Variants in NRG1 observed in about 807,000 individuals in gnomAD.
NRG1 encodes the protein pro-neuregulin-1, membrane-bound isoform.
Under a neutral mutation model 63.8 loss-of-function variants are expected in NRG1, and 18 were observed. The ratio of observed to expected loss-of-function variants is 0.28; its 90% CI spans 0.19 to 0.42. NRG1 has a LOEUF of 0.42. NRG1 is among the 10% of genes least tolerant of loss of function. The pLI is 1.00. For missense variants in NRG1, 762 were observed against 814.7 expected, an observed-to-expected ratio of 0.94 and a Z score of 0.79; for synonymous variants, 302 against 301.3, an observed-to-expected ratio of 1.00 and a Z score of -0.02.
In NRG1 at chr8:31,978,105, G is replaced by A. The variant is rs565482432; in HGVS notation, c.37+338674G>A. Among the ~76,000 whole-genome samples the A allele has an allele frequency of 1.8e-4, 27 of 152,122 alleles. No homozygotes were observed. In the South Asian group the frequency reaches 5.4e-3, roughly 30 times the overall value. On this transcript the variant is annotated intron_variant, in intron 1 of 10. Coordinates refer to the NRG1 transcript ENST00000519301. The stretch of plus-strand genomic sequence containing the variant: ...TGAATTCCTGGTTGAATTTGCCTCT[G>A]ATAATTATGTATTCATATTCAGTTT...
At chr8:32,074,600 G>A (rs7821104) in intron 1 of NRG1, among the ~76,000 whole-genome samples, 147,928 of 152,218 alleles carry the variant, frequency 0.97, 72,026 homozygotes, top group Non-Finnish European at 1. Context: ...AGGGGTAGGT[G>A]TGTCTGGGAA....
intron 1 of NRG1, among the ~76,000 whole-genome samples, chr8:32,134,144 G>A (rs1376375766): frequency 6.6e-6 from 1 of 152,080 alleles, no homozygotes; most frequent in Non-Finnish European, 1.5e-5. Context: ...CAAAATTTCA[G>A]TCTCTACAGC....
At chr8:32,133,002 C>A (rs1563824122) in intron 1 of NRG1, among the ~76,000 whole-genome samples, 1 of 151,722 alleles carries the variant, frequency 6.6e-6, no homozygotes, top group African/African-American at 2.4e-5. Context: ...CACTCCTCCC[C>A]CCTTTCCCCC....
At chr8:32,150,064 T>G (rs1837333286) in intron 1 of NRG1, among the ~76,000 whole-genome samples, 1 of 152,210 alleles carries the variant, frequency 6.6e-6, no homozygotes, top group African/African-American at 2.4e-5. Flanking sequence ...ATCCATTTGC[T>G]TATAAGAAGG....
intron 1 of NRG1, among the ~76,000 whole-genome samples, chr8:32,164,613 T>C (rs531407966): frequency 1.3e-5 from 2 of 152,332 alleles, no homozygotes; most frequent in African/African-American, 4.8e-5. Context: ...ATTTTAACAC[T>C]TTTTTAAAAC....
intron 1 of NRG1, among the ~76,000 whole-genome samples, chr8:31,997,938 A>T (rs1812282843): frequency 6.6e-6 from 1 of 152,046 alleles, no homozygotes; most frequent in Non-Finnish European, 1.5e-5. Context: ...TAAATGGAAT[A>T]AGTAAGTCTC....
At chr8:32,093,887 T>A (rs543978607) in intron 1 of NRG1, among the ~76,000 whole-genome samples, 106 of 152,320 alleles carry the variant, frequency 7.0e-4, no homozygotes, top group Non-Finnish European at 1.2e-3. Flanking sequence ...GATGTACCTC[T>A]CTTGAAATTC....
chr8:32,609,063 T>C (rs911613727), intron 3 of NRG1, among the ~76,000 whole-genome samples: 9 of 152,198 alleles, frequency 5.9e-5, no homozygotes, highest in African/African-American at 9.6e-5. Context: ...GAAACATAGC[T>C]GCCCGGAAGC....
intron 1 of NRG1, among the ~76,000 whole-genome samples, chr8:31,754,759 G>T (rs1032263601): frequency 6.6e-6 from 1 of 151,896 alleles, no homozygotes; most frequent in Non-Finnish European, 1.5e-5. Context: ...TGATTATAGT[G>T]GACAAGTACA....
At chr8:32,296,911 T>C (rs2129474628) in intron 1 of NRG1, among the ~76,000 whole-genome samples, 1 of 152,072 alleles carries the variant, frequency 6.6e-6, no homozygotes, top group South Asian at 2.1e-4. Flanking sequence ...GGTCAAGAGA[T>C]CGAAACCATC....
intron 5 of NRG1, among the ~76,000 whole-genome samples, chr8:32,684,854 A>AG (rs1809662019): frequency 1.3e-5 from 1 of 78,534 alleles, no homozygotes; most frequent in Admixed American, 1.1e-4. Flanking sequence ...TGATATTTTC[A>AG]GGAAAAAAAA....
intron 1 of NRG1, among the ~76,000 whole-genome samples, chr8:31,885,918 T>C (rs1198237225): frequency 1.3e-5 from 2 of 152,098 alleles, no homozygotes; most frequent in Admixed American, 6.6e-5. Flanking sequence ...GGTAATCTGG[T>C]TGAAATGGAG....
intron 1 of NRG1, among the ~76,000 whole-genome samples, chr8:32,284,489 G>GCCTT (rs367763292): frequency 0.091 from 12,070 of 132,510 alleles, 571 homozygotes; most frequent in South Asian, 0.11. Context: ...CTGCCTGCCT[G>GCCTT]CCTTCCTTCC....
intron 1 of NRG1, among the ~76,000 whole-genome samples, chr8:32,208,873 G>A (rs1288475753): frequency 6.6e-6 from 1 of 152,116 alleles, no homozygotes; most frequent in Non-Finnish European, 1.5e-5. Flanking sequence ...TGATCTATAT[G>A]AAAGACTGTT....
At chr8:32,469,381 G>T (rs1300397748) in intron 1 of NRG1, among the ~76,000 whole-genome samples, 2 of 152,196 alleles carry the variant, frequency 1.3e-5, no homozygotes, top group Non-Finnish European at 2.9e-5. Context: ...GACCTCAGGG[G>T]AGAGTGACGT....
chr8:31,770,465 C>T (rs974742100), intron 1 of NRG1, among the ~76,000 whole-genome samples: 3 of 151,884 alleles, frequency 2.0e-5, no homozygotes, highest in African/African-American at 7.3e-5. Context: ...CATAGTATTC[C>T]ATGGTGTAGG....
At chr8:32,598,480 T>C (rs139539431) in intron 2 of NRG1, among the ~76,000 whole-genome samples, 28 of 152,256 alleles carry the variant, frequency 1.8e-4, no homozygotes, top group African/African-American at 6.7e-4. Context: ...TCATTAGTAT[T>C]CAGAAAAGCA....
intron 1 of NRG1, among the ~76,000 whole-genome samples, chr8:31,989,667 G>A (rs140908819): frequency 3.9e-5 from 6 of 152,196 alleles, no homozygotes; most frequent in East Asian, 3.9e-4. Context: ...ACTGGGAAGC[G>A]ACAGTAATCC....
chr8:32,679,031 G>A (rs1233248698), intron 5 of NRG1, among the ~76,000 whole-genome samples: 2 of 152,008 alleles, frequency 1.3e-5, no homozygotes, highest in Admixed American at 6.6e-5. Context: ...CTGTGCACTT[G>A]TAGTTCCAGC....
Sources: gnomAD v4.1 joint callset for allele counts (sites outside exome capture counted in the v4.1 genomes callset) on GRCh38, gnomAD v4.1.1 for gene constraint, MANE v1.5 for transcripts, NCBI Gene and HGNC (gene_info 2026-07-23, HGNC 2026-07-21) for gene names.